PLCB4: variants seen among roughly 807,000 people sequenced by gnomAD.
The protein encoded by PLCB4 is 1-phosphatidylinositol 4,5-bisphosphate phosphodiesterase beta-4.
In PLCB4, 77 loss-of-function variants were observed where a neutral mutation model predicts 178.8. That is an observed-to-expected ratio of 0.43 (90% CI 0.36 to 0.52). The LOEUF is 0.52. PLCB4 is among the 20% of genes least tolerant of loss of function. PLCB4 has a pLI of 0.00. For missense variants in PLCB4, 1,024 were observed against 1,453.4 expected (o/e 0.70, Z 4.80); for synonymous variants, 496 against 490.8 (o/e 1.01, Z -0.14).
intron 28 of PLCB4, among the ~76,000 whole-genome samples, chr20:9,431,147 T>C (rs2041366749): frequency 6.6e-6 from 1 of 152,148 alleles, no homozygotes; most frequent in South Asian, 2.1e-4. Context: ...GAAGAATCCT[T>C]CCTTGCCTCT....
intron 1 of PLCB4, among the ~76,000 whole-genome samples, chr20:9,094,018 A>G (rs925876695): frequency 6.6e-6 from 1 of 152,110 alleles, no homozygotes; most frequent in African/African-American, 2.4e-5. Flanking sequence ...TGTGGCCCCA[A>G]ATCTTTGCCA....
chr20:9,069,580 CAT>C (rs1440230622), intron 1 of PLCB4, among the ~76,000 whole-genome samples: 1 of 151,892 alleles, frequency 6.6e-6, no homozygotes, highest in Non-Finnish European at 1.5e-5. Flanking sequence ...CTGGGGAAAT[CAT>C]AGAAATGATT....
chr20:9,220,464 TC>T (rs1568971670), intron 3 of PLCB4, among the ~76,000 whole-genome samples: 1 of 152,108 alleles, frequency 6.6e-6, no homozygotes, highest in Non-Finnish European at 1.5e-5. Flanking sequence ...AAACCCTGTC[TC>T]TACTAAAAAT....
intron 2 of PLCB4, among the ~76,000 whole-genome samples, chr20:9,129,112 G>A (rs1832083861): frequency 6.6e-6 from 1 of 152,132 alleles, no homozygotes; most frequent in South Asian, 2.1e-4. Flanking sequence ...TGGCTATTGT[G>A]AATAATGCTG....
chr20:9,423,515 C>A (rs2040791581), intron 27 of PLCB4, among the ~76,000 whole-genome samples: 1 of 152,172 alleles, frequency 6.6e-6, no homozygotes, highest in Admixed American at 6.5e-5. Flanking sequence ...ACATTCATTT[C>A]ATCTAACATT....
intron 3 of PLCB4, among the ~76,000 whole-genome samples, chr20:9,231,201 T>C (rs760256458): frequency 7.9e-5 from 12 of 152,138 alleles, no homozygotes; most frequent in Non-Finnish European, 1.3e-4. Context: ...GGTGATAGTT[T>C]CCATTTTCAG....
intron 3 of PLCB4, among the ~76,000 whole-genome samples, chr20:9,297,880 T>G (rs550033695): frequency 6.6e-6 from 1 of 152,274 alleles, no homozygotes; most frequent in South Asian, 2.1e-4. Flanking sequence ...CAAACAATCT[T>G]TTGAAACAGC....
At chr20:9,110,291 G>A (rs1405094528) in intron 2 of PLCB4, among the ~76,000 whole-genome samples, 2 of 151,908 alleles carry the variant, frequency 1.3e-5, no homozygotes, top group East Asian at 1.9e-4. Flanking sequence ...ACACTGATTA[G>A]CATTTATTTC....
At chr20:9,334,589 G>A (rs899714780) in intron 4 of PLCB4, among the ~76,000 whole-genome samples, 1 of 152,130 alleles carries the variant, frequency 6.6e-6, no homozygotes, top group Admixed American at 6.6e-5. Flanking sequence ...GCATAAAATA[G>A]ACTTCGTTTT....
intron 2 of PLCB4, among the ~76,000 whole-genome samples, chr20:9,188,204 G>A (rs1327014760): frequency 6.6e-6 from 1 of 152,226 alleles, no homozygotes; most frequent in African/African-American, 2.4e-5. Context: ...AATTAGGCAG[G>A]GGAGGAAGGA....
intron 2 of PLCB4, among the ~76,000 whole-genome samples, chr20:9,207,966 G>A (rs570998928): frequency 3.3e-5 from 5 of 152,214 alleles, no homozygotes; most frequent in Non-Finnish European, 7.4e-5. Context: ...GGTATATAGG[G>A]TATTTTAACG....
intron 2 of PLCB4, among the ~76,000 whole-genome samples, chr20:9,158,182 C>T (rs1313122152): frequency 6.6e-6 from 1 of 152,140 alleles, no homozygotes; most frequent in African/African-American, 2.4e-5. Context: ...TATTTTCAAA[C>T]AGTGTTTCCC....
chr20:9,342,324 A>G (rs1427190848), intron 7 of PLCB4, among the ~76,000 whole-genome samples: 1 of 152,198 alleles, frequency 6.6e-6, no homozygotes, highest in Non-Finnish European at 1.5e-5. Flanking sequence ...TGAGAAATGT[A>G]GAGATTTCCC....
chr20:9,463,743 A>G (rs1326132317), intron 35 of PLCB4, among the ~76,000 whole-genome samples: 1 of 152,168 alleles, frequency 6.6e-6, no homozygotes, highest in East Asian at 1.9e-4. Context: ...TCCTAAATAT[A>G]TATGCACCCA....
chr20:9,376,292 G>A (rs2036665145), intron 12 of PLCB4, among the ~76,000 whole-genome samples: 1 of 152,108 alleles, frequency 6.6e-6, no homozygotes, highest in African/African-American at 2.4e-5. Context: ...AGATCTCCAG[G>A]TGATTTATCT....
At chr20:9,474,707 T>C (rs751843539) in intron 38 of PLCB4, among the ~76,000 whole-genome samples, 13 of 139,584 alleles carry the variant, frequency 9.3e-5, no homozygotes, top group Non-Finnish European at 1.6e-4. Context: ...AAATAAAATC[T>C]TTTTTGTATG....
At chr20:9,327,546 G>A (rs1340891504) in intron 4 of PLCB4, among the ~76,000 whole-genome samples, 3 of 152,026 alleles carry the variant, frequency 2.0e-5, no homozygotes, top group Admixed American at 1.3e-4. Context: ...GGTGGCCGAG[G>A]TGGGTGGATC....
chr20:9,435,676 G>A (rs373212122), intron 29 of PLCB4, 28 bp downstream of exon 29: 12 of 1,306,202 alleles, frequency 9.2e-6, no homozygotes, highest in East Asian at 2.3e-5. Flanking sequence ...ATTAAAGGTG[G>A]CCAAGTTGTG....
At chr20:9,389,798 A>G in intron 15 of PLCB4, 81 bp from the exon 16 acceptor site, 1 of 731,538 alleles carries the variant, frequency 1.4e-6, no homozygotes, top group Non-Finnish European at 2.4e-6. Context: ...TGAAAGACTC[A>G]ATTAATAGTC....
Sources: allele counts gnomAD v4.1 joint callset (sites outside exome capture counted in the v4.1 genomes callset), GRCh38; gene constraint gnomAD v4.1.1; transcripts MANE v1.5; gene names NCBI Gene and HGNC (gene_info 2026-07-23, HGNC 2026-07-21).